The following NEMP2 variants were observed in gnomAD, a reference collection of about 807,000 sequenced individuals.
NEMP2 encodes nuclear envelope integral membrane protein 2, also known as UPF0571 transmembrane protein.
A neutral mutation model predicts 54.2 loss-of-function variants in NEMP2; 53 were observed. The ratio of observed to expected loss-of-function variants is 0.98; its 90% CI spans 0.78 to 1.23. The LOEUF (loss-of-function observed/expected upper bound fraction) is 1.23. Ranked by LOEUF, NEMP2 falls within the 50% of genes most tolerant of loss-of-function variation. The pLI is 0.00. For synonymous variants in NEMP2, 197 were observed against 190.3 expected (o/e 1.04, Z -0.29); for missense variants, 455 against 511.3 (o/e 0.89, Z 1.06).
At chr2:190,484,760 A>G in the NEMP2 span, among the ~76,000 whole-genome samples, 1 of 152,168 alleles carries the variant, frequency 6.6e-6, no homozygotes, top group African/African-American at 2.4e-5. Context: ...CTGGTTTCCT[A>G]TCTAAGAAAT....
chr2:190,466,270 G>C, the NEMP2 span, among the ~76,000 whole-genome samples: 1 of 152,188 alleles, frequency 6.6e-6, no homozygotes, highest in Non-Finnish European at 1.5e-5. Flanking sequence ...CACATGAACT[G>C]GGGGAACACA....
chr2:190,555,124 C>T, the NEMP2 span, among the ~76,000 whole-genome samples: 1 of 152,174 alleles, frequency 6.6e-6, no homozygotes, highest in Non-Finnish European at 1.5e-5. The surrounding 1 kb of genome is among the most constrained non-coding windows in gnomAD (Gnocchi z 4.8). Flanking sequence ...ATAGTATCAA[C>T]ATCAACAAAA....
the NEMP2 span, among the ~76,000 whole-genome samples, chr2:190,424,461 G>A: frequency 1.8e-4 from 27 of 151,684 alleles, no homozygotes; most frequent in Non-Finnish European, 3.5e-4. The surrounding 1 kb of genome is among the most constrained non-coding windows in gnomAD (Gnocchi z 5.9). Flanking sequence ...TCAGCCTCCC[G>A]AGTAGCTGGG....
chr2:190,555,412 G>C, the NEMP2 span, among the ~76,000 whole-genome samples: 2 of 152,006 alleles, frequency 1.3e-5, no homozygotes, highest in East Asian at 3.9e-4. The surrounding 1 kb of genome is among the most constrained non-coding windows in gnomAD (Gnocchi z 4.8). Flanking sequence ...GCAAGGAAGC[G>C]AATAGCCTTG....
Position 190,521,951 on chromosome 2 carries a change from A to G in NEMP2, c.214-2768T>C, listed in dbSNP as rs1574305983. On this transcript the variant is annotated intron_variant, in intron 2 of 8. Coordinates refer to ENST00000409150, the MANE Select transcript of NEMP2 (RefSeq NM_001142645.2). The surrounding 1 kb of genome is among the most constrained non-coding windows in gnomAD (Gnocchi z 6.2). ...TTCTCTTCTCCATCTAAACTCACTC[A>G]GTTTCATGGCTTTAGGCACCATCTA... 6.6e-6 allele frequency among the ~76,000 whole-genome samples: 1 copy of G among 152,046 alleles called. No individual in the cohort carries two copies. The highest frequency in any genetic ancestry group is 1.9e-4 in the East Asian group (1 of 5,196).
chr2:190,644,844 T>A, the NEMP2 span, among the ~76,000 whole-genome samples: 7 of 152,082 alleles, frequency 4.6e-5, no homozygotes, highest in African/African-American at 1.4e-4. The surrounding 1 kb of genome is among the most constrained non-coding windows in gnomAD (Gnocchi z 4.4). Flanking sequence ...TGAACCCCAG[T>A]GACACAAGTT....
the NEMP2 span, among the ~76,000 whole-genome samples, chr2:190,615,769 C>G: frequency 1.3e-5 from 2 of 152,172 alleles, no homozygotes; most frequent in Non-Finnish European, 2.9e-5. The surrounding 1 kb of genome is among the most constrained non-coding windows in gnomAD (Gnocchi z 4.7). Flanking sequence ...AAAAAGACAC[C>G]TGTCACTTAG....
rs866695882 is a variant in NEMP2, at chr2:190,518,957, C to T, written c.440G>A (p.Arg147Gln). 9.7e-6 allele frequency: 15 copies of T among 1,548,524 alleles called. No homozygotes were observed. The highest frequency in any genetic ancestry group is 9.6e-5 in the African/African-American group (7 of 72,886). ...TATAATAAAATCGGACTTACTGTTT[C>T]GATTCACATGTATCATATAGTTAAA... The part of the protein sequence containing the change: ...KIFNYMIHVN[R>Q]NIMDFKLFLV... Residue 147 changes from arginine to glutamine, a missense_variant, in exon 3 of 9, where the codon CGA becomes CAA. Arg to Gln is a conservative substitution (Grantham distance 43, BLOSUM62 1). Coordinates refer to ENST00000409150, the MANE Select transcript of NEMP2 (RefSeq NM_001142645.2).
At chr2:190,472,297 G>GGAAGAAGTTCAAACCCATGGC in the NEMP2 span, among the ~76,000 whole-genome samples, 68 of 152,182 alleles carry the variant, frequency 4.5e-4, no homozygotes, top group Non-Finnish European at 7.9e-4. Flanking sequence ...CCGAGCTAAA[G>GGAAGAAGTTCAAACCCATGGC]GAAGAAGTTC....
the NEMP2 span, chr2:190,610,587 G>A: frequency 2.0e-5 from 3 of 152,178 alleles, no homozygotes; most frequent in Non-Finnish European, 1.5e-5. This position sits in a 1 kb window ranked among gnomAD's most constrained non-coding sequence, Gnocchi z 5.4. Flanking sequence ...AAAGCCCTTG[G>A]TAAAATAACC....
the NEMP2 span, among the ~76,000 whole-genome samples, chr2:190,605,361 T>TTTTA: frequency 5.3e-5 from 8 of 150,642 alleles, no homozygotes; most frequent in African/African-American, 7.4e-5. Flanking sequence ...TTTTTTTAAT[T>TTTTA]TTTATTTATT....
the NEMP2 span, among the ~76,000 whole-genome samples, chr2:190,606,568 C>A: frequency 3.3e-5 from 5 of 152,010 alleles, no homozygotes; most frequent in Non-Finnish European, 5.9e-5. Context: ...AAAAATTAGC[C>A]GGGTGTGGTG....
the NEMP2 span, among the ~76,000 whole-genome samples, chr2:190,446,613 A>G: frequency 6.6e-6 from 1 of 152,208 alleles, no homozygotes; most frequent in Admixed American, 6.5e-5. Flanking sequence ...AGGAACTAGG[A>G]AGGCACATTC....
the NEMP2 span, among the ~76,000 whole-genome samples, chr2:190,638,936 A>C: frequency 6.6e-6 from 1 of 152,216 alleles, no homozygotes. This position sits in a 1 kb window ranked among gnomAD's most constrained non-coding sequence, Gnocchi z 5.7. Context: ...ACAGGGCATC[A>C]GATGTGGCCC....
chr2:190,534,626 C>T lies in NEMP2; in HGVS notation c.30G>A (p.Leu10=). ...TGGCCAGGGGCGGCAGCCAGAGCAGCAGCCACCACCGCCCTTGGCGCGGCC... is the reference window on the plus strand; with the variant it reads ...TGGCCAGGGGCGGCAGCCAGAGCAGTAGCCACCACCGCCCTTGGCGCGGCC... MGPRQGRWW[L]LLWLPPLATL... is the part of the protein sequence containing the mutation. Residue 10 remains leucine, a synonymous_variant, in exon 1 of 9, where the codon CTG becomes CTA. Transcript: ENST00000409150. The T allele has an allele frequency of 7.3e-7, 1 of 1,364,172 alleles. No individual in the cohort carries two copies. 84.5% of individuals were successfully genotyped at this position (1,364,172 alleles called of 1,614,324 possible).
At chr2:190,592,791 C>G in the NEMP2 span, among the ~76,000 whole-genome samples, 1 of 152,054 alleles carries the variant, frequency 6.6e-6, no homozygotes, top group African/African-American at 2.4e-5. This position sits in a 1 kb window ranked among gnomAD's most constrained non-coding sequence, Gnocchi z 4.4. Context: ...AGCAATAAAG[C>G]CTAGCATAAA....
At chr2:190,485,219 G>A in the NEMP2 span, among the ~76,000 whole-genome samples, 1 of 152,184 alleles carries the variant, frequency 6.6e-6, no homozygotes, top group Non-Finnish European at 1.5e-5. This position sits in a 1 kb window ranked among gnomAD's most constrained non-coding sequence, Gnocchi z 5.1. Context: ...GGTTGGAAGA[G>A]TTTGTGTGTG....
chr2:190,640,787 ATTTTTTTTTTTTTTTTTTTTTTTTTTTT>A, the NEMP2 span, among the ~76,000 whole-genome samples: 153 of 118,024 alleles, frequency 1.3e-3, 1 homozygote, highest in South Asian at 0.025. Context: ...AACACATTCA[ATTTTTTTTTTTTTTTTTTTTTTTTTTTT>A]TTTTTTTTTT....
At chr2:190,471,159 G>A in the NEMP2 span, among the ~76,000 whole-genome samples, 12 of 152,176 alleles carry the variant, frequency 7.9e-5, no homozygotes, top group South Asian at 2.1e-4. The surrounding 1 kb of genome is among the most constrained non-coding windows in gnomAD (Gnocchi z 4.7). Context: ...AGGTCTCAGC[G>A]TAAGTGACAC....
Sources: gnomAD v4.1 joint callset for allele counts (sites outside exome capture counted in the v4.1 genomes callset) on GRCh38, gnomAD v4.1.1 for gene constraint, Gnocchi (gnomAD v3.1) non-coding constraint, MANE v1.5 for transcripts, NCBI Gene and HGNC (gene_info 2026-07-23, HGNC 2026-07-21) for gene names.